The following CDYL variants were observed in gnomAD, a reference collection of about 807,000 sequenced individuals.
The protein encoded by CDYL is chromodomain Y like, also known as chromodomain Y-like protein.
Under a neutral mutation model 47.3 loss-of-function variants are expected in CDYL, and 8 were observed. That is an observed-to-expected ratio of 0.17 (90% CI 0.10 to 0.31). The LOEUF (loss-of-function observed/expected upper bound fraction) is 0.31, where lower values mean the gene tolerates loss of function less well. CDYL is among the 10% of genes least tolerant of loss of function. The probability of loss-of-function intolerance (pLI) is 1.00; values close to 1 mark genes in which losing one functional copy is unlikely to be tolerated. For missense variants in CDYL, 471 were observed against 701.4 expected (o/e 0.67, Z 3.71); for synonymous variants, 266 against 265.0 (o/e 1.00, Z -0.04).
At chr6:4,735,746 A>G (rs1298696593) in intron 3 of CDYL, among the ~76,000 whole-genome samples, 2 of 152,154 alleles carry the variant, frequency 1.3e-5, no homozygotes, top group African/African-American at 2.4e-5. Context: ...AGCACGGGCA[A>G]CAAGAGCGAA....
intron 4 of CDYL, among the ~76,000 whole-genome samples, chr6:4,942,951 G>T (rs1356198839): frequency 6.6e-6 from 1 of 152,206 alleles, no homozygotes; most frequent in African/African-American, 2.4e-5. Flanking sequence ...TGACACTCTT[G>T]TCTCTGTATC....
intron 1 of CDYL, among the ~76,000 whole-genome samples, chr6:4,880,508 A>G (rs1761735987): frequency 6.6e-6 from 1 of 152,104 alleles, no homozygotes; most frequent in Admixed American, 6.6e-5. Context: ...ATTTGTTTGG[A>G]AAGTTTTTAT....
intron 2 of CDYL, among the ~76,000 whole-genome samples, chr6:4,724,203 G>A (rs2127411282): frequency 6.7e-6 from 1 of 149,686 alleles, no homozygotes; most frequent in South Asian, 2.1e-4. Flanking sequence ...ATCACACCCA[G>A]CTAATTTTTG....
intron 2 of CDYL, chr6:4,734,708 G>A: frequency 6.2e-7 from 1 of 1,605,180 alleles, no homozygotes; most frequent in South Asian, 1.1e-5. Context: ...AGATGGGGAT[G>A]GGGAAGAGGA....
At chr6:4,844,080 T>C (rs1286379823) in intron 1 of CDYL, among the ~76,000 whole-genome samples, 4 of 152,094 alleles carry the variant, frequency 2.6e-5, no homozygotes, top group African/African-American at 9.7e-5. Flanking sequence ...AGCCAAACCG[T>C]GGTGATTGTT....
At chr6:4,903,925 C>T (rs969938610) in intron 2 of CDYL, among the ~76,000 whole-genome samples, 6 of 152,212 alleles carry the variant, frequency 3.9e-5, no homozygotes, top group African/African-American at 1.2e-4. Context: ...TTCATAGGCA[C>T]GTTGCCATGT....
intron 1 of CDYL, among the ~76,000 whole-genome samples, chr6:4,886,494 GT>G (rs1179343763): frequency 6.6e-6 from 1 of 152,124 alleles, no homozygotes; most frequent in Non-Finnish European, 1.5e-5. Context: ...GCGTCTTTCC[GT>G]GTGCTTTACT....
chr6:4,825,836 C>CA (rs1180315027), intron 1 of CDYL, among the ~76,000 whole-genome samples: 2 of 144,798 alleles, frequency 1.4e-5, no homozygotes, highest in Non-Finnish European at 3.0e-5. Context: ...TTTATACATA[C>CA]ACCTAGAATG....
At chr6:4,720,237 T>C (rs1266544372) in intron 2 of CDYL, among the ~76,000 whole-genome samples, 1 of 152,176 alleles carries the variant, frequency 6.6e-6, no homozygotes, top group Admixed American at 6.5e-5. Context: ...AAAAAATTCT[T>C]ACAAATTTCA....
At chr6:4,872,068 G>C (rs1405395136) in intron 1 of CDYL, among the ~76,000 whole-genome samples, 2 of 152,202 alleles carry the variant, frequency 1.3e-5, no homozygotes, top group African/African-American at 4.8e-5. Flanking sequence ...GTATCAGTGT[G>C]TGGTTTGAGT....
In CDYL at chr6:4,955,155, G is replaced by A. The variant is rs1199355447; in HGVS notation, c.*1099G>A. 3 of 152,600 alleles carry A rather than the reference G, an allele frequency of 2.0e-5. No homozygotes were observed. The highest frequency in any genetic ancestry group is 2.9e-5 in the Non-Finnish European group (2 of 68,030). The allele number at this position is 152,600 out of a possible 1,614,324, so 9.5% of individuals were successfully genotyped here. A position where few individuals can be genotyped will look rare whatever the true frequency, so the allele number is the denominator to read the frequency against. On this transcript the variant is annotated 3_prime_UTR_variant, in exon 7 of 7. Transcript: ENST00000397588. ...ATGTCTATACAATATACTGAGTTCAGTATGGTGTCCAAGAGTGCCCTGTGT... is the reference window on the plus strand; with the variant it reads ...ATGTCTATACAATATACTGAGTTCAATATGGTGTCCAAGAGTGCCCTGTGT...
At chr6:4,850,989 T>G (rs1253103648) in intron 1 of CDYL, among the ~76,000 whole-genome samples, 1 of 152,184 alleles carries the variant, frequency 6.6e-6, no homozygotes, top group Non-Finnish European at 1.5e-5. Context: ...AATGACTAAT[T>G]AAAACTGAGC....
intron 3 of CDYL, among the ~76,000 whole-genome samples, chr6:4,936,855 C>T (rs546518601): frequency 6.6e-6 from 1 of 152,194 alleles, no homozygotes; most frequent in East Asian, 1.9e-4. Flanking sequence ...CTAAGAGCCG[C>T]AATGGCTGTA....
intron 3 of CDYL, among the ~76,000 whole-genome samples, chr6:4,770,129 G>A (rs1047744974): frequency 6.6e-6 from 1 of 152,066 alleles, no homozygotes; most frequent in South Asian, 2.1e-4. Context: ...GAGCCATGGC[G>A]CCGGGCCAAC....
At chr6:4,722,159 A>G (rs983954694) in intron 2 of CDYL, among the ~76,000 whole-genome samples, 4 of 152,252 alleles carry the variant, frequency 2.6e-5, no homozygotes, top group African/African-American at 9.6e-5. Context: ...GGCCAGAGAA[A>G]TATTTTTTAA....
intron 1 of CDYL, among the ~76,000 whole-genome samples, chr6:4,799,071 A>G (rs561464878): frequency 6.6e-6 from 1 of 152,282 alleles, no homozygotes; most frequent in East Asian, 1.9e-4. Flanking sequence ...AGTGCTGTAC[A>G]TTTACTTGCA....
intron 1 of CDYL, among the ~76,000 whole-genome samples, chr6:4,817,614 T>C (rs1404790116): frequency 6.6e-6 from 1 of 152,246 alleles, no homozygotes; most frequent in Non-Finnish European, 1.5e-5. Flanking sequence ...CTTTTAAGTC[T>C]GTAATTTACA....
Position 4,889,222 on chromosome 6 carries a change from CT to C in CDYL, c.25-2480del, listed in dbSNP as rs879286693. On this transcript the variant is annotated intron_variant, in intron 1 of 6. Coordinates refer to ENST00000397588, the MANE Select transcript of CDYL (RefSeq NM_004824.4). ...TTAACTCAAAGAATGGTTTTCATAC[CT>C]TTTTTTTTTTCTTTTTTTTGAGACG... 2.3e-4 allele frequency among the ~76,000 whole-genome samples: 34 copies of C among 147,184 alleles called. 1 individual carries two copies. Among genetic ancestry groups the C allele is most frequent in the South Asian group, 4.4e-4 (2 of 4,594 alleles).
chr6:4,737,463 G>A (rs1757723496), intron 3 of CDYL, among the ~76,000 whole-genome samples: 2 of 152,022 alleles, frequency 1.3e-5, no homozygotes, highest in South Asian at 2.1e-4. Flanking sequence ...GACCAGCCTG[G>A]CCAACATGGT....
Sources: gnomAD v4.1 joint callset for allele counts (sites outside exome capture counted in the v4.1 genomes callset) on GRCh38, gnomAD v4.1.1 for gene constraint, MANE v1.5 for transcripts, NCBI Gene and HGNC (gene_info 2026-07-23, HGNC 2026-07-21) for gene names.